Variants in FBN1 observed in about 807,000 individuals in gnomAD.
FBN1 encodes fibrillin 1, also known as fibrillin-1.
Under a neutral mutation model 365.1 loss-of-function variants are expected in FBN1, and 29 were observed. The observed-to-expected ratio is 0.08, with a 90% CI of 0.06 to 0.11. The LOEUF (loss-of-function observed/expected upper bound fraction) is 0.11, where lower values mean the gene tolerates loss of function less well. Ranked by LOEUF, FBN1 falls within the 10% of genes least tolerant of loss-of-function variation. FBN1 has a pLI of 1.00. For synonymous variants in FBN1, 1,210 were observed against 1,270.5 expected, an observed-to-expected ratio of 0.95 and a Z score of 1.01; for missense variants, 2,476 against 3,703.2, an observed-to-expected ratio of 0.67 and a Z score of 8.60.
intron 2 of FBN1, among the ~76,000 whole-genome samples, chr15:48,616,303 T>C (rs1889650737): frequency 6.6e-6 from 1 of 152,258 alleles, no homozygotes; most frequent in African/African-American, 2.4e-5. Context: ...ATTGTTTTAA[T>C]TGTGTTGCCA....
chr15:48,498,436 G>A (rs1409563286), intron 18 of FBN1, among the ~76,000 whole-genome samples: 1 of 151,978 alleles, frequency 6.6e-6, no homozygotes, highest in Non-Finnish European at 1.5e-5. Context: ...GTCACCTATT[G>A]TCATACTTGT....
At chr15:48,567,074 T>G (rs1232476875) in intron 6 of FBN1, among the ~76,000 whole-genome samples, 1 of 152,120 alleles carries the variant, frequency 6.6e-6, no homozygotes, top group Non-Finnish European at 1.5e-5. Context: ...TCTATGAACA[T>G]TAAAGTTTGA....
chr15:48,459,935 A>G (rs545323401), intron 43 of FBN1, among the ~76,000 whole-genome samples: 4 of 152,340 alleles, frequency 2.6e-5, no homozygotes, highest in Admixed American at 2.6e-4. Flanking sequence ...AGTTAAATCA[A>G]ATGTCAACTG....
intron 6 of FBN1, among the ~76,000 whole-genome samples, chr15:48,547,600 C>T (rs568714627): frequency 9.9e-5 from 15 of 152,220 alleles, no homozygotes; most frequent in South Asian, 8.3e-4. Flanking sequence ...GACAGATAAA[C>T]GGCAGGGAGA....
chr15:48,552,975 G>C (rs2044154711), intron 6 of FBN1, among the ~76,000 whole-genome samples: 1 of 152,064 alleles, frequency 6.6e-6, no homozygotes, highest in African/African-American at 2.4e-5. Context: ...CTAATGTTGA[G>C]ACATGACTCA....
rs767903343 is a variant in FBN1 at position 48,425,860 on chromosome 15, G to A, written c.7209C>T (p.Ile2403=). The part of the protein sequence containing the change: ...GRGFMTNGAD[I]DECKVIHDVC... ...CATCGTGAATAACCTTGCATTCATC[G>A]ATATCTGTAATTTAACAAATATAAA... Residue 2403 remains isoleucine, a synonymous_variant, in exon 59 of 66, where the codon ATC becomes ATT. Coordinates refer to ENST00000316623, the MANE Select transcript of FBN1 (RefSeq NM_000138.5). 9.3e-6 allele frequency: 15 copies of A among 1,606,372 alleles called. No homozygotes were observed. The highest frequency in any genetic ancestry group is 2.2e-5 in the East Asian group (1 of 44,810).
intron 16 of FBN1, 102 bp from the exon 17 acceptor site, chr15:48,504,041 GT>G: frequency 7.3e-7 from 1 of 1,369,756 alleles, no homozygotes; most frequent in Admixed American, 1.8e-5. Flanking sequence ...CATCCCTGGT[GT>G]AACTCACAGG....
intron 56 of FBN1, 78 bp from the exon 57 acceptor site, chr15:48,428,549 T>C (rs1428149747): frequency 1.3e-6 from 2 of 1,505,942 alleles, no homozygotes; most frequent in Non-Finnish European, 1.8e-6. Context: ...CCTTCCTTCG[T>C]TCCTTCCTTC....
chr15:48,419,005 C>T (rs2042920681), intron 63 of FBN1, among the ~76,000 whole-genome samples: 1 of 152,152 alleles, frequency 6.6e-6, no homozygotes, highest in African/African-American at 2.4e-5. Context: ...CCTCTTACCC[C>T]AAAGAGTGAA....
intron 2 of FBN1, among the ~76,000 whole-genome samples, chr15:48,615,219 G>C (rs1374261922): frequency 1.3e-5 from 2 of 152,060 alleles, no homozygotes; most frequent in South Asian, 2.1e-4. Context: ...CCAAATCCTG[G>C]AATAGTGTCA....
intron 9 of FBN1, 105 bp from the exon 10 acceptor site, chr15:48,520,922 G>A: frequency 1.4e-6 from 2 of 1,474,122 alleles, no homozygotes; most frequent in South Asian, 1.2e-5. Flanking sequence ...GGCTACGGCA[G>A]GATTAACTCA....
At chr15:48,437,575 C>A in intron 51 of FBN1, 188 bp from the exon 52 acceptor site, 1 of 797,184 alleles carries the variant, frequency 1.3e-6, no homozygotes. Context: ...CCTTGGGCAT[C>A]TGTGATTCAT....
chr15:48,441,667 C>T, intron 50 of FBN1, 54 bp downstream of exon 50: 1 of 1,609,828 alleles, frequency 6.2e-7, no homozygotes, highest in Non-Finnish European at 8.5e-7. Context: ...AAAAATAAGA[C>T]CACCACAAAT....
Position 48,508,753 on chromosome 15 carries a change from C to T in FBN1, c.1715-49G>A, listed in dbSNP as rs146912376. 5.5e-4 allele frequency: 880 copies of T among 1,603,458 alleles called. 4 individuals are homozygous for T. The African/African-American group carries it at 0.01, about 18-fold the overall frequency. On this transcript the variant is annotated intron_variant, in intron 14 of 65. Coordinates refer to ENST00000316623, the MANE Select transcript of FBN1 (RefSeq NM_000138.5). ...TCTTATGACCAGAAGAGTAAGCTTA[C>T]GAAGGAAACCAATCTGGATGAAAAT...
intron 8 of FBN1, chr15:48,529,802 C>T (rs2043952283): frequency 6.5e-6 from 1 of 152,888 alleles, no homozygotes; most frequent in African/African-American, 2.4e-5. Context: ...AAAACGTCAG[C>T]CATACTATTT....
chr15:48,428,977 C>T (rs529366734), intron 56 of FBN1, among the ~76,000 whole-genome samples: 2 of 152,280 alleles, frequency 1.3e-5, no homozygotes, highest in East Asian at 3.9e-4. Context: ...CCTTCCAGAG[C>T]TGGATTATGC....
chr15:48,489,177 G>A (rs2141296023), intron 25 of FBN1, among the ~76,000 whole-genome samples: 1 of 146,782 alleles, frequency 6.8e-6, no homozygotes, highest in South Asian at 2.2e-4. Context: ...TGGGATTACA[G>A]GTGTGCACCA....
At position 48,485,482 on chromosome 15, in the gene FBN1, T is replaced by C. The variant is rs751847164; in HGVS notation, c.3604A>G (p.Ser1202Gly). 6.2e-6 allele frequency: 10 copies of C among 1,614,216 alleles called. No homozygotes were observed. In the South Asian group the frequency reaches 9.9e-5, roughly 16 times the overall value. ...GTTTCACAACCACCATTCATTATGC[T>C]GCATTCATCAATGTCTAAAAGAAAT... ...RLFCVDIDECSIMNGGCETFC... is the reference protein window; with the variant it reads ...RLFCVDIDECGIMNGGCETFC... The change falls in exon 30 of 66, where the codon AGC (serine) becomes GGC (glycine). Residue 1202 changes from serine to glycine, a missense_variant. By Grantham distance (56) the Ser-to-Gly change is moderately conservative (BLOSUM62 0). Around this residue, in one of 5 missense-constraint regions of FBN1, gnomAD observed 1,780 missense variants for 2,840.8 expected, o/e 0.63. Coordinates refer to ENST00000316623, the MANE Select transcript of FBN1 (RefSeq NM_000138.5).
chr15:48,634,823 G>GGAA (rs987970839), intron 2 of FBN1, among the ~76,000 whole-genome samples: 9 of 97,494 alleles, frequency 9.2e-5, no homozygotes, highest in African/African-American at 4.2e-4. Context: ...AACCGGAAAA[G>GGAA]GAAGAAGAAG....
Sources: gnomAD v4.1 joint callset for allele counts (sites outside exome capture counted in the v4.1 genomes callset) on GRCh38, gnomAD v4.1.1 for gene constraint, gnomAD v4.1.1 regional missense constraint, MANE v1.5 for transcripts, NCBI Gene and HGNC (gene_info 2026-07-23, HGNC 2026-07-21) for gene names.